VPS4A: variants seen among roughly 807,000 people sequenced by gnomAD.
The protein encoded by VPS4A is vacuolar protein sorting 4 homolog A.
VPS4A carries 20 observed loss-of-function variants against 52.3 expected under a neutral mutation model. The ratio of observed to expected loss-of-function variants is 0.38; its 90% CI spans 0.27 to 0.56. The LOEUF is 0.56. Among genes scored for constraint, VPS4A ranks in the 20% least tolerant of loss-of-function variants. The pLI is 0.72. For synonymous variants in VPS4A, 293 were observed against 227.7 expected (o/e 1.29, Z -2.58); for missense variants, 419 against 575.9 (o/e 0.73, Z 2.79).
chr16:69,322,557 C>T lies in VPS4A; in HGVS notation c.1072-3C>T, dbSNP rs112431212. On this transcript the variant is annotated splice_region_variant and splice_polypyrimidine_tract_variant and intron_variant, in intron 9 of 10. Coordinates refer to ENST00000254950, the MANE Select transcript of VPS4A (RefSeq NM_013245.3). Reference sequence around the variant, plus strand: ...TGCCCCAGTCAGATCCATTTGGTTTCAGGTCTGTGGCCCCTCTCGCACCAA... The same window carrying T: ...TGCCCCAGTCAGATCCATTTGGTTTTAGGTCTGTGGCCCCTCTCGCACCAA... 4 of 1,611,554 alleles carry T rather than the reference C, an allele frequency of 2.5e-6. No homozygotes were observed. The South Asian group carries it at 4.4e-5, about 18-fold the overall frequency.
chr16:69,313,140 A>G (rs944230383), intron 1 of VPS4A, among the ~76,000 whole-genome samples: 1 of 150,612 alleles, frequency 6.6e-6, no homozygotes, highest in Non-Finnish European at 1.5e-5. Context: ...CATCACACCC[A>G]GCTAATATTT....
In VPS4A at chr16:69,311,353, C is replaced by A; in HGVS notation, c.-159C>A. 1.3e-6 allele frequency: 1 copy of A among 773,278 alleles called. No individual in the cohort carries two copies. Among genetic ancestry groups the A allele is most frequent in the Non-Finnish European group, 1.7e-6 (1 of 572,242 alleles). 47.9% of individuals were successfully genotyped at this position (773,278 alleles called of 1,614,324 possible). On this transcript the variant is annotated 5_prime_UTR_variant, in exon 1 of 11. Transcript: ENST00000254950. ...CTCTGGGCTGCGCTCCTCGCTTGCC[C>A]TCGGACTCGGCTCCCGCTGCGAGCG...
rs1314687585 is a variant in VPS4A at position 69,320,696 on chromosome 16, A to C, written c.778A>C (p.Asn260His). ...EFLVQMQGVG[N>H]NNDGTLVLGA... ...TCTCCCTTTCTCCACAGGGGTGGGG[A>C]ATAACAATGATGGGACTCTGGTTCT... The change falls in exon 8 of 11, where the codon AAT becomes CAT. Residue 260 changes from asparagine (N) to histidine (H), a missense_variant. Physicochemically the swap from Asn to His is moderately conservative, Grantham distance 68. Coordinates refer to ENST00000254950, the MANE Select transcript of VPS4A (RefSeq NM_013245.3). The surrounding 1 kb of genome is among the most constrained non-coding windows in gnomAD (Gnocchi z 4.2). 2 of 1,604,436 alleles carry C rather than the reference A, an allele frequency of 1.2e-6. No individual in the cohort carries two copies. Among genetic ancestry groups the C allele is most frequent in the Non-Finnish European group, 1.7e-6 (2 of 1,175,740 alleles).
Position 69,320,018 on chromosome 16 carries a change from G to A in VPS4A, c.621-123G>A, listed in dbSNP as rs188937049. On this transcript the variant is annotated intron_variant, in intron 6 of 10. Transcript: ENST00000254950. The surrounding 1 kb of genome is among the most constrained non-coding windows in gnomAD (Gnocchi z 4.2). ...AGGGCTCCTCACCACCACGTTTTCCGCAATTCCGGCATGACCGTGGCCTGC... is the reference window on the plus strand; with the variant it reads ...AGGGCTCCTCACCACCACGTTTTCCACAATTCCGGCATGACCGTGGCCTGC... 130 of 1,352,274 alleles carry A rather than the reference G, an allele frequency of 9.6e-5. 3 individuals carry two copies. The South Asian group carries it at 1.0e-3, about 11-fold the overall frequency. The allele number at this position is 1,352,274 out of a possible 1,614,324, so 83.8% of individuals were successfully genotyped here.
rs777006325 is a variant in VPS4A, at chr16:69,321,325, G to T, written c.1071+55G>T. 1.4e-6 allele frequency: 2 copies of T among 1,406,746 alleles called. No individual in the cohort carries two copies. The highest frequency in any genetic ancestry group is 1.9e-6 in the Non-Finnish European group (2 of 1,038,840). The allele number at this position is 1,406,746 out of a possible 1,614,324, so 87.1% of individuals were successfully genotyped here. On this transcript the variant is annotated intron_variant, in intron 9 of 10. Transcript: ENST00000254950. The surrounding 1 kb of genome is among the most constrained non-coding windows in gnomAD (Gnocchi z 4.5). ...ATCTCATAGTAAGAGCGGGATGTTC[G>T]GTTTTTTTTTTCCCAGCTCCTGGTC...
chr16:69,324,197 T>TG lies in VPS4A; in HGVS notation c.1213-10dup. ...TGGCTCCTGCTCAGGCACATACTGT[T>TG]GCCTTCACAGTCGGACATGCTGCGG... On this transcript the variant is annotated splice_polypyrimidine_tract_variant and intron_variant, in intron 10 of 10. Coordinates refer to ENST00000254950, the MANE Select transcript of VPS4A (RefSeq NM_013245.3). 2 of 1,611,760 alleles carry TG rather than the reference T, an allele frequency of 1.2e-6. No individual in the cohort carries two copies. Among genetic ancestry groups the TG allele is most frequent in the South Asian group, 2.2e-5 (2 of 90,402 alleles).
In VPS4A at chr16:69,324,423, T is replaced by C; in HGVS notation, c.*114T>C. 8.8e-7 allele frequency: 1 copy of C among 1,140,462 alleles called. No homozygotes were observed. Among genetic ancestry groups the C allele is most frequent in the Non-Finnish European group, 1.3e-6 (1 of 786,630 alleles). 70.6% of individuals were successfully genotyped at this position (1,140,462 alleles called of 1,614,324 possible). ...AGGGCTTGTCCCAGTCAATACAGAG[T>C]TCCCTCTGCTGTCTGGCCGTCTGCC... is the stretch of plus-strand genomic sequence containing the variant. On this transcript the variant is annotated 3_prime_UTR_variant, in exon 11 of 11. Coordinates refer to ENST00000254950, the MANE Select transcript of VPS4A (RefSeq NM_013245.3).
In VPS4A at chr16:69,316,386, G is replaced by C; in HGVS notation, c.281+14G>C. Reference sequence around the variant, plus strand: ...TGAGGGCAAGGGGTGAGTGTCTGCAGCGTCCGCCCAGGAACCTGGGCCCTC... The same window carrying C: ...TGAGGGCAAGGGGTGAGTGTCTGCACCGTCCGCCCAGGAACCTGGGCCCTC... On this transcript the variant is annotated intron_variant, in intron 3 of 10. Coordinates refer to ENST00000254950, the MANE Select transcript of VPS4A (RefSeq NM_013245.3). 2 of 1,613,112 alleles carry C rather than the reference G, an allele frequency of 1.2e-6. No individual in the cohort carries two copies.
At chr16:69,313,906 A>C (rs1965406159) in intron 1 of VPS4A, among the ~76,000 whole-genome samples, 1 of 151,948 alleles carries the variant, frequency 6.6e-6, no homozygotes, top group South Asian at 2.1e-4. Context: ...CTGTTCTGTA[A>C]AACTGTTTCT....
chr16:69,323,999 T>G (rs1411545335), intron 10 of VPS4A, among the ~76,000 whole-genome samples: 2 of 147,264 alleles, frequency 1.4e-5, no homozygotes. Context: ...TATGAGATGA[T>G]GGAGCTTAGA....
At chr16:69,323,546 T>C (rs1291237582) in intron 10 of VPS4A, 1 of 430,844 alleles carries the variant, frequency 2.3e-6, no homozygotes, top group East Asian at 7.1e-5. Flanking sequence ...AGGCAGTGAA[T>C]GTGTCAAGAC....
Position 69,325,169 on chromosome 16 carries a change from C to T in VPS4A, c.*860C>T, listed in dbSNP as rs1965572446. The T allele has an allele frequency of 6.6e-6, 1 of 152,270 alleles. No homozygotes were observed. Among genetic ancestry groups the T allele is most frequent in the Admixed American group, 6.5e-5 (1 of 15,288 alleles). The allele number at this position is 152,270 out of a possible 1,614,324, so 9.4% of individuals were successfully genotyped here. ...CTAAAGCAGAGCAGGAAACAGAACA[C>T]TGCAGTTCTTAGGCCTGTTCTCCAG... On this transcript the variant is annotated 3_prime_UTR_variant, in exon 11 of 11. Coordinates refer to ENST00000254950, the MANE Select transcript of VPS4A (RefSeq NM_013245.3).
chr16:69,319,673 C>T (rs976805510), intron 6 of VPS4A, 130 bp downstream of exon 6: 55 of 1,256,398 alleles, frequency 4.4e-5, no homozygotes, highest in East Asian at 3.3e-4. Flanking sequence ...AGCAGTGTGT[C>T]GCTAGCTTAT....
Position 69,324,566 on chromosome 16 carries a change from T to C in VPS4A, c.*257T>C. On this transcript the variant is annotated 3_prime_UTR_variant, in exon 11 of 11. Transcript: ENST00000254950. Reference sequence around the variant, plus strand: ...TGGATGCTCATCAGCTCCTTCTGCCTCCCCCCCTTTTTTTTCCATCTTTTG... The same window carrying C: ...TGGATGCTCATCAGCTCCTTCTGCCCCCCCCCCTTTTTTTTCCATCTTTTG... 3 of 435,694 alleles carry C rather than the reference T, an allele frequency of 6.9e-6. No homozygotes were observed. The highest frequency in any genetic ancestry group is 4.2e-6 in the Non-Finnish European group (1 of 237,384). The allele number at this position is 435,694 out of a possible 1,614,324, so 27.0% of individuals were successfully genotyped here. A position where few individuals can be genotyped will look rare whatever the true frequency, so the allele number is the denominator to read the frequency against.
Position 69,322,631 on chromosome 16 carries a change from C to T in VPS4A, c.1143C>T (p.Asp381=), listed in dbSNP as rs1297026785. ...TCCTGACTCCATGCTCACCAGGGGA[C>T]CCAGGAGCCATGGAGATGACTTGGA... ...DDLLTPCSPG[D]PGAMEMTWMD... Residue 381 remains aspartate, a synonymous_variant, in exon 10 of 11, where the codon GAC becomes GAT. Coordinates refer to ENST00000254950, the MANE Select transcript of VPS4A (RefSeq NM_013245.3). 6.2e-7 allele frequency: 1 copy of T among 1,613,906 alleles called. No individual in the cohort carries two copies. The highest frequency in any genetic ancestry group is 8.5e-7 in the Non-Finnish European group (1 of 1,179,860).
chr16:69,319,334 T>TCCTATTCCTTTC, intron 5 of VPS4A, 53 bp from the exon 6 acceptor site: 3 of 1,604,212 alleles, frequency 1.9e-6, no homozygotes, highest in Non-Finnish European at 2.6e-6. Context: ...CCTCTGCTTT[T>TCCTATTCCTTTC]CCTATTCCTT....
Position 69,320,480 on chromosome 16 carries a change from AC to A in VPS4A, c.769+195del. Reference sequence around the variant, plus strand: ...AGGCCTCTGCCTCACGGGCCACTCCACCCCTCCCATGGCAGGCAGTGCCATA... The same window carrying A: ...AGGCCTCTGCCTCACGGGCCACTCCACCCTCCCATGGCAGGCAGTGCCATA... On this transcript the variant is annotated intron_variant, in intron 7 of 10. Coordinates refer to ENST00000254950, the MANE Select transcript of VPS4A (RefSeq NM_013245.3). The surrounding 1 kb of genome is among the most constrained non-coding windows in gnomAD (Gnocchi z 4.2). 1 of 859,816 alleles carries A rather than the reference AC, an allele frequency of 1.2e-6. No individual in the cohort carries two copies. The allele number at this position is 859,816 out of a possible 1,614,324, so 53.3% of individuals were successfully genotyped here.
At chr16:69,322,733 G>A in intron 10 of VPS4A, 33 bp downstream of exon 10, 1 of 1,582,354 alleles carries the variant, frequency 6.3e-7, no homozygotes, top group Non-Finnish European at 8.6e-7. Context: ...GAAGAGGGCT[G>A]CACAGAGCCC....
chr16:69,323,391 C>A (rs899561911), intron 10 of VPS4A: 5 of 251,938 alleles, frequency 2.0e-5, no homozygotes, highest in Admixed American at 5.2e-5. Context: ...CTCAAGTGAT[C>A]CTCTCAGCGT....
Sources: gnomAD v4.1 joint callset for allele counts (sites outside exome capture counted in the v4.1 genomes callset) on GRCh38, gnomAD v4.1.1 for gene constraint, Gnocchi (gnomAD v3.1) non-coding constraint, MANE v1.5 for transcripts, NCBI Gene and HGNC (gene_info 2026-07-23, HGNC 2026-07-21) for gene names.